Variants in ROBO2 observed in about 807,000 individuals in gnomAD.
ROBO2 encodes roundabout homolog 2.
ROBO2 carries 53 observed loss-of-function variants against 160.8 expected under a neutral mutation model. That is an observed-to-expected ratio of 0.33 (90% CI 0.26 to 0.41). ROBO2 has a LOEUF of 0.41. Ranked by LOEUF, ROBO2 falls within the 10% of genes least tolerant of loss-of-function variation. The probability of loss-of-function intolerance (pLI) is 1.00; values close to 1 mark genes in which losing one functional copy is unlikely to be tolerated. For missense variants in ROBO2, 1,577 were observed against 1,722.4 expected (o/e 0.92, Z 1.49); for synonymous variants, 664 against 611.7 (o/e 1.09, Z -1.26).
At chr3:76,446,485 A>C (rs2077188561) in intron 2 of ROBO2, among the ~76,000 whole-genome samples, 1 of 152,202 alleles carries the variant, frequency 6.6e-6, no homozygotes, top group South Asian at 2.1e-4. Flanking sequence ...TAATAGATTC[A>C]ATGCCATCCC....
chr3:76,847,866 T>G (rs1295864135), intron 2 of ROBO2, among the ~76,000 whole-genome samples: 2 of 152,146 alleles, frequency 1.3e-5, no homozygotes, highest in African/African-American at 4.8e-5. Flanking sequence ...TGACATTATA[T>G]CCTTTTTTCT....
chr3:76,131,714 C>T (rs779505750), intron 2 of ROBO2, among the ~76,000 whole-genome samples: 7 of 152,054 alleles, frequency 4.6e-5, no homozygotes, highest in Non-Finnish European at 1.0e-4. Flanking sequence ...ACTACTGATA[C>T]GTTTTCTTTG....
chr3:76,266,189 C>T (rs1707088967), intron 2 of ROBO2, among the ~76,000 whole-genome samples: 1 of 152,114 alleles, frequency 6.6e-6, no homozygotes, highest in Non-Finnish European at 1.5e-5. Context: ...ACTATTCCTG[C>T]ATCCCAGCGA....
intron 5 of ROBO2, among the ~76,000 whole-genome samples, chr3:77,506,997 A>C (rs2088633246): frequency 6.6e-6 from 1 of 152,078 alleles, no homozygotes; most frequent in Non-Finnish European, 1.5e-5. Context: ...ATATTTTTGC[A>C]CCTTTTCTAG....
chr3:75,987,033 A>T (rs373952148), intron 2 of ROBO2, among the ~76,000 whole-genome samples: 1 of 151,698 alleles, frequency 6.6e-6, no homozygotes, highest in African/African-American at 2.4e-5. Context: ...CTTTTTCAAG[A>T]TTGTTTTGGC....
At position 76,689,067 on chromosome 3, in the gene ROBO2, G is replaced by A. The variant is rs941952023; in HGVS notation, c.110-408947G>A. ...AAAAATAATACATAATGTTAAATGC[G>A]CATATTTATTTCTAAAAGATTATTA... On this transcript the variant is annotated intron_variant, in intron 2 of 26. Transcript: ENST00000487694. Among the ~76,000 whole-genome samples the A allele has an allele frequency of 1.4e-4, 22 of 151,958 alleles. No individual in the cohort carries two copies. The South Asian group carries it at 2.1e-3, about 14-fold the overall frequency.
chr3:76,864,883 A>G (rs2071198102), intron 2 of ROBO2, among the ~76,000 whole-genome samples: 1 of 152,130 alleles, frequency 6.6e-6, no homozygotes. Flanking sequence ...TAAAAATGGC[A>G]AATGACAAAA....
At position 77,247,205 on chromosome 3, in the gene ROBO2, A is replaced by G. The variant is rs150543299; in HGVS notation, c.388+148865A>G. ...GAAGTGCTTTAACTTAAATGTGTCA[A>G]TAATGATGCTGCTGTGGAATTGTGT... is the stretch of plus-strand genomic sequence containing the variant. On this transcript the variant is annotated intron_variant, in intron 2 of 25. Transcript: ENST00000461745. 3.4e-3 allele frequency among the ~76,000 whole-genome samples: 523 copies of G among 152,324 alleles called. 1 individual carries two copies. Among genetic ancestry groups the G allele is most frequent in the African/African-American group, 0.012 (492 of 41,572 alleles).
At chr3:76,341,215 T>G (rs1201698517) in intron 2 of ROBO2, among the ~76,000 whole-genome samples, 1 of 150,760 alleles carries the variant, frequency 6.6e-6, no homozygotes, top group Admixed American at 6.6e-5. Flanking sequence ...AACACAAAAC[T>G]TCAAATCTCA....
intron 2 of ROBO2, among the ~76,000 whole-genome samples, chr3:76,902,376 G>A (rs1189707577): frequency 6.6e-6 from 1 of 151,886 alleles, no homozygotes; most frequent in East Asian, 1.9e-4. Context: ...TTGATATCTG[G>A]TGAGAGTACA....
intron 1 of ROBO2, among the ~76,000 whole-genome samples, chr3:77,052,843 A>T (rs1046565339): frequency 6.6e-6 from 1 of 152,194 alleles, no homozygotes; most frequent in Non-Finnish European, 1.5e-5. Flanking sequence ...GTTTGATAAA[A>T]GAACTAATTG....
intron 2 of ROBO2, among the ~76,000 whole-genome samples, chr3:76,984,512 A>C (rs1353162882): frequency 1.3e-5 from 2 of 152,154 alleles, no homozygotes; most frequent in Admixed American, 1.3e-4. Flanking sequence ...ACTCTACCAC[A>C]CCTGTAAGTA....
intron 2 of ROBO2, among the ~76,000 whole-genome samples, chr3:76,657,734 GTA>G (rs1488965603): frequency 7.3e-6 from 1 of 136,892 alleles, no homozygotes; most frequent in Admixed American, 7.2e-5. Context: ...ATATATGAGT[GTA>G]TATATATTCA....
intron 2 of ROBO2, among the ~76,000 whole-genome samples, chr3:76,532,082 C>T (rs1252609751): frequency 6.6e-6 from 1 of 152,170 alleles, no homozygotes; most frequent in Admixed American, 6.5e-5. Flanking sequence ...CCTGGCCTCA[C>T]TTAATCAGGA....
intron 2 of ROBO2, among the ~76,000 whole-genome samples, chr3:77,219,456 ATATG>A (rs2085453931): frequency 7.7e-6 from 1 of 129,476 alleles, no homozygotes; most frequent in Non-Finnish European, 1.6e-5. Context: ...ATATATATAT[ATATG>A]TATCTGTGTA....
At chr3:77,311,772 C>G (rs1164220554) in intron 2 of ROBO2, among the ~76,000 whole-genome samples, 1 of 152,108 alleles carries the variant, frequency 6.6e-6, no homozygotes, top group Non-Finnish European at 1.5e-5. Flanking sequence ...ATTCTTTCGT[C>G]TTTTCATACA....
At chr3:76,193,640 G>A (rs1353163158) in intron 2 of ROBO2, among the ~76,000 whole-genome samples, 1 of 152,140 alleles carries the variant, frequency 6.6e-6, no homozygotes, top group African/African-American at 2.4e-5. Context: ...GCCCATAGGG[G>A]AAAATCTTTC....
At chr3:76,954,681 A>T (rs1360368062) in intron 2 of ROBO2, among the ~76,000 whole-genome samples, 4 of 152,368 alleles carry the variant, frequency 2.6e-5, no homozygotes, top group African/African-American at 4.8e-5. Context: ...CTAAAAAAAT[A>T]AAGTTTCCCA....
intron 2 of ROBO2, among the ~76,000 whole-genome samples, chr3:75,967,845 A>G (rs1949173156): frequency 6.6e-6 from 1 of 151,504 alleles, no homozygotes; most frequent in Non-Finnish European, 1.5e-5. Flanking sequence ...AGCAGATATT[A>G]TGTTACTAAA....
Sources: gnomAD v4.1 joint callset for allele counts (sites outside exome capture counted in the v4.1 genomes callset) on GRCh38, gnomAD v4.1.1 for gene constraint, MANE v1.5 for transcripts, NCBI Gene and HGNC (gene_info 2026-07-23, HGNC 2026-07-21) for gene names.